The following TUBGCP2 variants were observed in gnomAD, a reference collection of about 807,000 sequenced individuals.
TUBGCP2 encodes gamma-tubulin complex component 2.
TUBGCP2 carries 55 observed loss-of-function variants against 92.2 expected under a neutral mutation model. The ratio of observed to expected loss-of-function variants is 0.60; its 90% confidence interval spans 0.48 to 0.75. TUBGCP2 has a LOEUF of 0.75. TUBGCP2 is among the 30% of genes least tolerant of loss of function. TUBGCP2 has a pLI of 0.00. For synonymous variants in TUBGCP2, 533 were observed against 505.2 expected (o/e 1.06, Z -0.74); for missense variants, 1,093 against 1,188.9 (o/e 0.92, Z 1.19).
rs752879178 is a variant in TUBGCP2 at position 133,285,622 on chromosome 10, G to C, written c.1729C>G (p.Leu577Val). Residue 577 changes from leucine (L) to valine (V), a missense_variant, in exon 12 of 18, where the codon CTG (leucine) becomes GTG (valine). By Grantham distance (32) the Leu-to-Val change is conservative (BLOSUM62 1). Around this residue, in one of 3 missense-constraint regions of TUBGCP2, gnomAD observed 598 missense variants for 675.5 expected, o/e 0.89. Coordinates refer to ENST00000252936, the MANE Select transcript of TUBGCP2 (RefSeq NM_006659.4). The surrounding 1 kb of genome is among the most constrained non-coding windows in gnomAD (Gnocchi z 6.8). ...TGAGTGATGAGGTCATGGGGCATCA[G>C]GTCGATCTTGGAGGGAAGGAAATGA... is the stretch of plus-strand genomic sequence containing the variant. ...DPFKDDLKID[L>V]MPHDLITQLL... The C allele has an allele frequency of 6.6e-7, 1 of 1,512,342 alleles. No homozygotes were observed. Among genetic ancestry groups the C allele is most frequent in the Non-Finnish European group, 8.9e-7 (1 of 1,129,700 alleles). 93.7% of individuals were successfully genotyped at this position (1,512,342 alleles called of 1,614,324 possible). A position where few individuals can be genotyped will look rare whatever the true frequency, so the allele number is the denominator to read the frequency against.
intron 8 of TUBGCP2, 70 bp from the exon 9 acceptor site, chr10:133,290,039 G>A (rs1287576692): frequency 6.3e-7 from 1 of 1,586,424 alleles, no homozygotes; most frequent in South Asian, 1.1e-5. Context: ...ACTTCTCCAG[G>A]CCGGCAGCGC....
In TUBGCP2 at chr10:133,281,389, C is replaced by A. The variant is rs746272343; in HGVS notation, c.2457G>T (p.Glu819Asp). Residue 819 changes from glutamate to aspartate, a missense_variant, in exon 17 of 18, where the codon GAG becomes GAT. Physicochemically the swap from Glu to Asp is conservative, Grantham distance 45 (BLOSUM62 2). Coordinates refer to ENST00000252936, the MANE Select transcript of TUBGCP2 (RefSeq NM_006659.4). ...TCTTGTCAAACTTGTTGATGGTGGCCTCGAAGCCGGACACCAGCTGCACAG... is the reference window on the plus strand; with the variant it reads ...TCTTGTCAAACTTGTTGATGGTGGCATCGAAGCCGGACACCAGCTGCACAG... ...ADTVQLVSGF[E>D]ATINKFDKNF... 4 of 1,613,754 alleles carry A rather than the reference C, an allele frequency of 2.5e-6. No homozygotes were observed. The highest frequency in any genetic ancestry group is 3.4e-6 in the Non-Finnish European group (4 of 1,180,002).
rs1846915755 is a variant in TUBGCP2, at chr10:133,279,716, G to A, written c.*50C>T. The A allele has an allele frequency of 6.6e-7, 1 of 1,506,510 alleles. No individual in the cohort carries two copies. Among genetic ancestry groups the A allele is most frequent in the Non-Finnish European group, 8.9e-7 (1 of 1,127,010 alleles). The allele number at this position is 1,506,510 out of a possible 1,614,324, so 93.3% of individuals were successfully genotyped here. A position where few individuals can be genotyped will look rare whatever the true frequency, so the allele number is the denominator to read the frequency against. On this transcript the variant is annotated 3_prime_UTR_variant, in exon 18 of 18. Coordinates refer to ENST00000252936, the MANE Select transcript of TUBGCP2 (RefSeq NM_006659.4). ...CGATTTGAAAATTCTGGACCCATTT[G>A]CACCAGTCCCTGCTGACCCCACACC...
At chr10:133,312,017 T>G (rs573255806), upstream of TUBGCP2, 3,454 of 1,568,960 alleles carry the variant, frequency 2.2e-3, 5 homozygotes, top group Non-Finnish European at 2.9e-3. Flanking sequence ...TGTGAATAAC[T>G]TAGTTTCTCT....
chr10:133,288,023 C>T, intron 11 of TUBGCP2, 106 bp downstream of exon 11: 11 of 1,411,272 alleles, frequency 7.8e-6, no homozygotes, highest in Non-Finnish European at 9.3e-6. Flanking sequence ...CTGCGGTCGC[C>T]TCACCGGGAC....
chr10:133,281,418 C>G lies in TUBGCP2; in HGVS notation c.2428G>C (p.Asp810His), dbSNP rs1846974071. The G allele has an allele frequency of 6.2e-7, 1 of 1,613,066 alleles. No individual in the cohort carries two copies. Among genetic ancestry groups the G allele is most frequent in the African/African-American group, 1.3e-5 (1 of 74,922 alleles). ...LARKHLAEHA[D>H]TVQLVSGFEA... ...AAGCCGGACACCAGCTGCACAGTGT[C>G]TGCGTGCTCAGCCAGGTGCTGGAAA... The change falls in exon 17 of 18, where the codon GAC becomes CAC. Residue 810 changes from aspartate (D) to histidine (H), a missense_variant. Around this residue, in one of 3 missense-constraint regions of TUBGCP2, gnomAD observed 598 missense variants for 675.5 expected, o/e 0.89. Transcript: ENST00000252936.
At chr10:133,302,389 TCACCCTG>T (rs1343090935) in intron 2 of TUBGCP2, 2 of 240,844 alleles carry the variant, frequency 8.3e-6, no homozygotes, top group Admixed American at 5.2e-5. Flanking sequence ...GAGGTGGCGC[TCACCCTG>T]CACCCTGCAC....
chr10:133,281,414 G>A lies in TUBGCP2; in HGVS notation c.2432C>T (p.Thr811Ile). The change falls in exon 17 of 18, where the codon ACT (threonine) becomes ATT (isoleucine). Residue 811 changes from threonine (T) to isoleucine (I), a missense_variant. By Grantham distance (89) the Thr-to-Ile change is moderately conservative (BLOSUM62 -1). This residue lies in a region of TUBGCP2 where 598 missense variants were observed against 675.5 expected (regional missense o/e 0.89). Coordinates refer to ENST00000252936, the MANE Select transcript of TUBGCP2 (RefSeq NM_006659.4). ...CTCGAAGCCGGACACCAGCTGCACA[G>A]TGTCTGCGTGCTCAGCCAGGTGCTG... is the stretch of plus-strand genomic sequence containing the variant. ...ARKHLAEHAD[T>I]VQLVSGFEAT... 1 of 1,613,316 alleles carries A rather than the reference G, an allele frequency of 6.2e-7. No individual in the cohort carries two copies. The highest frequency in any genetic ancestry group is 8.5e-7 in the Non-Finnish European group (1 of 1,180,002).
upstream of TUBGCP2, chr10:133,310,146 A>C (rs1847956371): frequency 6.2e-7 from 1 of 1,613,354 alleles, no homozygotes; most frequent in African/African-American, 1.3e-5. Flanking sequence ...GAGGGAGGTG[A>C]CACGGTCTCC....
Position 133,293,887 on chromosome 10 carries a change from G to C in TUBGCP2, c.617-118C>G. On this transcript the variant is annotated intron_variant, in intron 5 of 17. Transcript: ENST00000252936. ...TCATCTTTGTTTATGGGTATAAAAG[G>C]TCAGCCACTGCACTTGGCTTTGACT... 2.9e-6 allele frequency: 3 copies of C among 1,031,432 alleles called. No individual in the cohort carries two copies. The South Asian group carries it at 4.5e-5, about 15-fold the overall frequency. The allele number at this position is 1,031,432 out of a possible 1,614,324, so 63.9% of individuals were successfully genotyped here.
At chr10:133,291,305 T>TA (rs1286300089) in intron 8 of TUBGCP2, among the ~76,000 whole-genome samples, 1 of 87,936 alleles carries the variant, frequency 1.1e-5, no homozygotes, top group Non-Finnish European at 2.1e-5. Flanking sequence ...CGGGGAGCCC[T>TA]ACCTGTACGG....
In TUBGCP2 at chr10:133,283,106, A is replaced by C. The variant is rs747948087; in HGVS notation, c.2261T>G (p.Val754Gly). The change falls in exon 15 of 18, where the codon GTG becomes GGG. Residue 754 changes from valine to glycine, a missense_variant. By Grantham distance (109) the Val-to-Gly change is moderately radical. Coordinates refer to ENST00000252936, the MANE Select transcript of TUBGCP2 (RefSeq NM_006659.4). ...LLKVFSKLMS[V>G]CVMFTNCMQK... is the part of the protein sequence containing the mutation. ...CATGCAGTTGGTGAACATGACGCAC[A>C]CAGACATGAGCTTGGAGAAGACCTT... 1 of 1,614,110 alleles carries C rather than the reference A, an allele frequency of 6.2e-7. No homozygotes were observed. The highest frequency in any genetic ancestry group is 1.3e-5 in the African/African-American group (1 of 74,938).
upstream of TUBGCP2, chr10:133,309,196 G>GGGGCGGGGCCGGAGCCTGGGAC (rs1847923297): frequency 7.3e-7 from 1 of 1,374,060 alleles, no homozygotes; most frequent in African/African-American, 1.5e-5. Context: ...CTACGACTGC[G>GGGGCGGGGCCGGAGCCTGGGAC]GGGCGGGGCC....
intron 17 of TUBGCP2, among the ~76,000 whole-genome samples, chr10:133,280,731 G>T (rs1274385841): frequency 3.9e-5 from 6 of 152,250 alleles, no homozygotes; most frequent in Non-Finnish European, 7.3e-5. Context: ...CCAGGGGAGG[G>T]TGCAGGGGAG....
In TUBGCP2 at chr10:133,293,717, G is replaced by A. The variant is rs7903281; in HGVS notation, c.669C>T (p.Tyr223=). ...QESAVVEDLL[Y]VLVGVDGRYV... is the part of the protein sequence containing the mutation. ...ACCTCCCGTCCACGCCCACCAGCAC[G>A]TACAGCAGGTCCTCCACCACGGCCG... The change falls in exon 6 of 18, where the codon TAC becomes TAT. Residue 223 remains tyrosine (Y), a synonymous_variant. Transcript: ENST00000252936. 43 of 1,605,182 alleles carry A rather than the reference G, an allele frequency of 2.7e-5. No homozygotes were observed. The highest frequency in any genetic ancestry group is 2.0e-4 in the East Asian group (9 of 44,566).
Position 133,293,634 on chromosome 10 carries a change from T to C in TUBGCP2, c.752A>G (p.Asn251Ser), listed in dbSNP as rs901187502. ...RQSRTFLVDP[N>S]LDLSIRELVH... ...CAGCTCCCTGATGGACAGGTCCAGGTTGGGGTCCACGAGGAAGGTCCGGCT... is the reference window on the plus strand; with the variant it reads ...CAGCTCCCTGATGGACAGGTCCAGGCTGGGGTCCACGAGGAAGGTCCGGCT... The change falls in exon 6 of 18, where the codon AAC becomes AGC. Residue 251 changes from asparagine (N) to serine (S), a missense_variant. Around this residue, in one of 3 missense-constraint regions of TUBGCP2, gnomAD observed 490 missense variants for 488.5 expected, o/e 1.00. Coordinates refer to ENST00000252936, the MANE Select transcript of TUBGCP2 (RefSeq NM_006659.4). 5.7e-6 allele frequency: 9 copies of C among 1,576,110 alleles called. No homozygotes were observed. The highest frequency in any genetic ancestry group is 2.3e-5 in the East Asian group (1 of 42,968).
chr10:133,292,764 C>T, intron 7 of TUBGCP2, 76 bp from the exon 8 acceptor site: 1 of 1,496,932 alleles, frequency 6.7e-7, no homozygotes, highest in Non-Finnish European at 9.0e-7. Flanking sequence ...TGCTGGGGCC[C>T]CTCATGCTTC....
In TUBGCP2 at chr10:133,292,576, T is replaced by C. The variant is rs753336047; in HGVS notation, c.1137A>G (p.Leu379=). 3.7e-6 allele frequency: 6 copies of C among 1,614,156 alleles called. No homozygotes were observed. The South Asian group carries it at 6.6e-5, about 18-fold the overall frequency. Residue 379 remains leucine (L), a synonymous_variant, in exon 8 of 18, where the codon CTA becomes CTG. Coordinates refer to ENST00000252936, the MANE Select transcript of TUBGCP2 (RefSeq NM_006659.4). ...AGTAGGGAGCACTGGCCGCCTTGGT[T>C]AGGTACAGGCATAGCTCCTGCGCCT... ...DSQAQELCLY[L]TKAASAPYFE...
chr10:133,311,779 C>A, upstream of TUBGCP2: 1 of 1,613,806 alleles, frequency 6.2e-7, no homozygotes, highest in Non-Finnish European at 8.5e-7. Context: ...CCATGGAAAT[C>A]TGCTCTGAGC....
Sources: allele counts gnomAD v4.1 joint callset (sites outside exome capture counted in the v4.1 genomes callset), GRCh38; gene constraint gnomAD v4.1.1; regional missense constraint gnomAD v4.1.1; non-coding constraint Gnocchi (gnomAD v3.1); transcripts MANE v1.5; gene names NCBI Gene and HGNC (gene_info 2026-07-23, HGNC 2026-07-21).